The following KCTD19 variants were observed in gnomAD, a reference collection of about 807,000 sequenced individuals.
KCTD19 encodes BTB/POZ domain-containing protein KCTD19.
Under a neutral mutation model 103.5 loss-of-function variants are expected in KCTD19, and 67 were observed. The observed-to-expected ratio is 0.65, with a 90% CI of 0.53 to 0.79. The LOEUF is 0.79. KCTD19 is among the 30% of genes least tolerant of loss of function. The pLI, the probability that KCTD19 is intolerant of heterozygous loss-of-function variation, is 0.00. For synonymous variants in KCTD19, 439 were observed against 452.2 expected (o/e 0.97, Z 0.37); for missense variants, 980 against 1,136.1 (o/e 0.86, Z 1.98).
chr16:67,314,820 TATATATATATAGAGAGAGAGAG>T (rs1288882133), intron 2 of KCTD19, among the ~76,000 whole-genome samples: 6 of 84,944 alleles, frequency 7.1e-5, no homozygotes, highest in Admixed American at 3.9e-4. Context: ...TATATATATA[TATATATATATAGAGAGAGAGAG>T]AGAGAGAGAG....
Position 67,293,693 on chromosome 16 carries a change from G to A in KCTD19, c.2069C>T (p.Ser690Phe). 2.5e-6 allele frequency: 4 copies of A among 1,614,088 alleles called. No individual in the cohort carries two copies. Among genetic ancestry groups the A allele is most frequent in the Non-Finnish European group, 3.4e-6 (4 of 1,180,024 alleles). Reference sequence around the variant, plus strand: ...TCCTGGATCCTTCTCTGAGGCTGTGGAATGGGCTTTCCAGGCAGCTGAGGT... The same window carrying A: ...TCCTGGATCCTTCTCTGAGGCTGTGAAATGGGCTTTCCAGGCAGCTGAGGT... ...PSTSAAWKAHSTASEKDPGPQ... is the reference protein window; with the variant it reads ...PSTSAAWKAHFTASEKDPGPQ... Residue 690 changes from serine to phenylalanine, a missense_variant, in exon 12 of 16, where the codon TCC (serine) becomes TTC (phenylalanine). Coordinates refer to ENST00000304372, the MANE Select transcript of KCTD19 (RefSeq NM_001100915.3). This position sits in a 1 kb window ranked among gnomAD's most constrained non-coding sequence, Gnocchi z 4.0.
chr16:67,316,770 A>G (rs768727126), intron 2 of KCTD19, among the ~76,000 whole-genome samples: 1 of 152,054 alleles, frequency 6.6e-6, no homozygotes, highest in Non-Finnish European at 1.5e-5. Context: ...TTAATACACA[A>G]TAAGACACTA....
chr16:67,294,800 GA>G, intron 10 of KCTD19, 106 bp from the exon 11 acceptor site: 2 of 975,906 alleles, frequency 2.0e-6, no homozygotes, highest in Non-Finnish European at 3.2e-6. Flanking sequence ...AGACAGCAGG[GA>G]AGAAGGGGCT....
At chr16:67,309,961 A>G (rs1263952665) in intron 2 of KCTD19, among the ~76,000 whole-genome samples, 1 of 151,590 alleles carries the variant, frequency 6.6e-6, no homozygotes, top group African/African-American at 2.4e-5. Context: ...TAAAAAAGAG[A>G]AAAACTAAAG....
At position 67,290,796 on chromosome 16, in the gene KCTD19, GCTGGCC is replaced by G. The variant is rs1349923404; in HGVS notation, c.2667+83_2667+88del. ...CTGCCTGTCTAGCCTTCTGGGCAGT[GCTGGCC>G]CAGCCCTGGTGCAGCAAGACACACG... On this transcript the variant is annotated intron_variant, in intron 15 of 15. Coordinates refer to ENST00000304372, the MANE Select transcript of KCTD19 (RefSeq NM_001100915.3). 1.1e-5 allele frequency: 13 copies of G among 1,226,380 alleles called. No homozygotes were observed. The African/African-American group carries it at 1.8e-4, about 17-fold the overall frequency. The allele number at this position is 1,226,380 out of a possible 1,614,324, so 76.0% of individuals were successfully genotyped here.
chr16:67,290,167 CTTTTTTTTTTTTTTTT>C (rs11296444), intron 15 of KCTD19, among the ~76,000 whole-genome samples: 29 of 69,286 alleles, frequency 4.2e-4, no homozygotes, highest in African/African-American at 1.6e-3. Context: ...TGAATATTTT[CTTTTTTTTTTTTTTTT>C]TTTTTTTTTT....
intron 15 of KCTD19, among the ~76,000 whole-genome samples, chr16:67,290,436 C>G (rs2036671814): frequency 6.6e-6 from 1 of 152,084 alleles, no homozygotes; most frequent in Non-Finnish European, 1.5e-5. Context: ...CCTCGGCCTC[C>G]CAAAGTGCTG....
rs367847690 is a variant in KCTD19 at position 67,290,875 on chromosome 16, T to C, written c.2667+10A>G. ...TCGGTGGATTCCCAGGGATTGCAAG[T>C]GGCCCTCACCTCCACCCAGCTGTAC... On this transcript the variant is annotated intron_variant, in intron 15 of 15. Transcript: ENST00000304372. 1.4e-5 allele frequency: 22 copies of C among 1,606,248 alleles called. No homozygotes were observed. The highest frequency in any genetic ancestry group is 1.9e-4 in the Middle Eastern group (1 of 5,252).
In KCTD19 at chr16:67,303,349, C is replaced by T. The variant is rs754555218; in HGVS notation, c.452-12G>A. 1 of 1,600,886 alleles carries T rather than the reference C, an allele frequency of 6.2e-7. No individual in the cohort carries two copies. The highest frequency in any genetic ancestry group is 8.5e-7 in the Non-Finnish European group (1 of 1,172,088). ...CTTATCATGTAGGCCTGGAAGAGAA[C>T]ATGCAGGCAGTGTTGCCACCTCTCA... On this transcript the variant is annotated splice_polypyrimidine_tract_variant and intron_variant, in intron 3 of 15. Transcript: ENST00000304372. The surrounding 1 kb of genome is among the most constrained non-coding windows in gnomAD (Gnocchi z 4.3).
chr16:67,295,075 T>C lies in KCTD19; in HGVS notation c.1392-19A>G. The C allele has an allele frequency of 1.2e-6, 2 of 1,608,984 alleles. No individual in the cohort carries two copies. Among genetic ancestry groups the C allele is most frequent in the South Asian group, 1.1e-5 (1 of 90,980 alleles). ...CCATTCCCTGCAAACAACAAGGAGATATCCAGCTGGGCAGCTAGGATGAGG... is the reference window on the plus strand; with the variant it reads ...CCATTCCCTGCAAACAACAAGGAGACATCCAGCTGGGCAGCTAGGATGAGG... On this transcript the variant is annotated intron_variant, in intron 9 of 15. Transcript: ENST00000304372.
chr16:67,320,552 A>G lies in KCTD19; in HGVS notation c.300+37T>C, dbSNP rs1022748769. 2.5e-6 allele frequency: 4 copies of G among 1,596,304 alleles called. No homozygotes were observed. The African/African-American group carries it at 5.4e-5, about 21-fold the overall frequency. Reference sequence around the variant, plus strand: ...ATATTTAGTGATGTAAAGCCATGTTACTGATCCACCACTCCCAGAAAACAA... The same window carrying G: ...ATATTTAGTGATGTAAAGCCATGTTGCTGATCCACCACTCCCAGAAAACAA... On this transcript the variant is annotated intron_variant, in intron 2 of 15. Transcript: ENST00000304372. The surrounding 1 kb of genome is among the most constrained non-coding windows in gnomAD (Gnocchi z 4.0).
At position 67,295,281 on chromosome 16, in the gene KCTD19, AAC is replaced by A. The variant is rs1305869639; in HGVS notation, c.1371_1372del (p.Leu459ThrfsTer3). 1.2e-6 allele frequency: 2 copies of A among 1,614,072 alleles called. No homozygotes were observed. Among genetic ancestry groups the A allele is most frequent in the Non-Finnish European group, 1.7e-6 (2 of 1,180,024 alleles). On this transcript the variant is annotated frameshift_variant, in exon 9 of 16. Transcript: ENST00000304372. LOFTEE classifies it high-confidence loss of function. The stretch of plus-strand genomic sequence containing the variant: ...CACTTACTTAAATTCAGATGGTAAA[AAC>A]AGTTTGCCAAGTCTCAGGAAGTTGA...
chr16:67,296,824 G>A (rs1361082697), intron 7 of KCTD19, among the ~76,000 whole-genome samples: 1 of 152,142 alleles, frequency 6.6e-6, no homozygotes, highest in African/African-American at 2.4e-5. Context: ...GCTCTGTAAT[G>A]AATGAAGGGT....
rs1195534809 is a variant in KCTD19, at chr16:67,300,340, G to A, written c.776-767C>T. On this transcript the variant is annotated intron_variant, in intron 5 of 15. Coordinates refer to ENST00000304372, the MANE Select transcript of KCTD19 (RefSeq NM_001100915.3). The surrounding 1 kb of genome is among the most constrained non-coding windows in gnomAD (Gnocchi z 4.5). ...GGCAGGGGCAGGGCTAGGATTTGAG[G>A]TCAGCTCTGTCCAGCTCCAAGGTTA... is the stretch of plus-strand genomic sequence containing the variant. 2.0e-5 allele frequency: 3 copies of A among 152,284 alleles called. No homozygotes were observed. Among genetic ancestry groups the A allele is most frequent in the Admixed American group, 1.3e-4 (2 of 15,284 alleles). 9.4% of individuals were successfully genotyped at this position (152,284 alleles called of 1,614,324 possible).
At chr16:67,311,771 GT>G (rs1426542617) in intron 2 of KCTD19, among the ~76,000 whole-genome samples, 2 of 152,020 alleles carry the variant, frequency 1.3e-5, no homozygotes, top group Non-Finnish European at 2.9e-5. Context: ...GTAGGTGTGT[GT>G]CTTTGTTGGG....
intron 2 of KCTD19, 23 bp from the exon 3 acceptor site, chr16:67,304,594 A>G (rs10852437): frequency 0.05 from 80,773 of 1,599,584 alleles, 5,955 homozygotes; most frequent in African/African-American, 0.34. Flanking sequence ...GAAGAGTACT[A>G]TCTTGAGAAT....
At position 67,293,832 on chromosome 16, in the gene KCTD19, TG is replaced by T. The variant is rs2036730276; in HGVS notation, c.1929del (p.Asp643GlufsTer13). 1 of 1,613,780 alleles carries T rather than the reference TG, an allele frequency of 6.2e-7. No individual in the cohort carries two copies. Among genetic ancestry groups the T allele is most frequent in the African/African-American group, 1.3e-5 (1 of 74,922 alleles). ...AATTCCCACTGTTTGCAATTGACCA[TG>T]TCCCATTCTCTCACCAGGGAGATGA... is the stretch of plus-strand genomic sequence containing the variant. ...QKLISLVREW[D>X]MVNCKQWEFQ... On this transcript the variant is annotated frameshift_variant, in exon 12 of 16. Coordinates refer to ENST00000304372, the MANE Select transcript of KCTD19 (RefSeq NM_001100915.3). LOFTEE classifies it high-confidence loss of function. The surrounding 1 kb of genome is among the most constrained non-coding windows in gnomAD (Gnocchi z 4.0).
chr16:67,308,778 TG>T (rs2036920387), intron 2 of KCTD19, among the ~76,000 whole-genome samples: 1 of 152,096 alleles, frequency 6.6e-6, no homozygotes. Context: ...GGGGAGAGGC[TG>T]GTTTGATGCA....
At position 67,320,614 on chromosome 16, in the gene KCTD19, C is replaced by A; in HGVS notation, c.275G>T (p.Gly92Val). Residue 92 changes from glycine to valine, a missense_variant, in exon 2 of 16, where the codon GGT (glycine) becomes GTT (valine). Gly to Val is a moderately radical substitution (Grantham distance 109). Coordinates refer to ENST00000304372, the MANE Select transcript of KCTD19 (RefSeq NM_001100915.3). This position sits in a 1 kb window ranked among gnomAD's most constrained non-coding sequence, Gnocchi z 4.0. ...ELNLLYEQAL[G>V]LQLMPLLQTL... The stretch of plus-strand genomic sequence containing the variant: ...CTGCAGCAAAGGCATCAGCTGCAAA[C>A]CCAATGCTTGCTCATACAGCAAGTT... 1 of 1,614,170 alleles carries A rather than the reference C, an allele frequency of 6.2e-7. No homozygotes were observed. Among genetic ancestry groups the A allele is most frequent in the Non-Finnish European group, 8.5e-7 (1 of 1,180,012 alleles).
Sources: gnomAD v4.1 joint callset for allele counts (sites outside exome capture counted in the v4.1 genomes callset) on GRCh38, gnomAD v4.1.1 for gene constraint, Gnocchi (gnomAD v3.1) non-coding constraint, MANE v1.5 for transcripts, NCBI Gene and HGNC (gene_info 2026-07-23, HGNC 2026-07-21) for gene names.